Variants in SUPT7L observed in about 807,000 individuals in gnomAD.
The protein encoded by SUPT7L is SPT7 like, STAGA complex subunit gamma.
A neutral mutation model predicts 35.7 loss-of-function variants in SUPT7L; 15 were observed. That is an observed-to-expected ratio of 0.42 (90% CI 0.28 to 0.65). The LOEUF is 0.65. Ranked by LOEUF, SUPT7L falls within the 30% of genes least tolerant of loss-of-function variation. The pLI is 0.23. For missense variants in SUPT7L, 434 were observed against 522.2 expected, an observed-to-expected ratio of 0.83 and a Z score of 1.65; for synonymous variants, 168 against 186.2, an observed-to-expected ratio of 0.90 and a Z score of 0.79.
chr2:27,644,152 G>C, the SUPT7L span, among the ~76,000 whole-genome samples: 1 of 152,186 alleles, frequency 6.6e-6, no homozygotes, highest in Non-Finnish European at 1.5e-5. Context: ...TCCAGCCTGG[G>C]TGACAGAGTG....
Position 27,652,170 on chromosome 2 carries a change from A to T in SUPT7L, c.*1315T>A, listed in dbSNP as rs1007267067. On this transcript the variant is annotated 3_prime_UTR_variant, in exon 6 of 6. Coordinates refer to ENST00000337768, the MANE Select transcript of SUPT7L (RefSeq NM_014860.3). ...CTCAAAAATAAATAAATAAATAAAT[A>T]AATTAAAAAAAAGACTGTGACAGAA... 2 of 91,900 alleles carry T rather than the reference A, an allele frequency of 2.2e-5. No homozygotes were observed. The highest frequency in any genetic ancestry group is 6.5e-5 in the African/African-American group (2 of 30,590). The allele number at this position is 91,900 out of a possible 1,614,324, so 5.7% of individuals were successfully genotyped here. A position where few individuals can be genotyped will look rare whatever the true frequency, so the allele number is the denominator to read the frequency against.
At chr2:27,662,340 G>T in intron 1 of SUPT7L, 59 bp from the exon 2 acceptor site, 3 of 871,646 alleles carry the variant, frequency 3.4e-6, no homozygotes, top group Non-Finnish European at 5.5e-6. Flanking sequence ...GGTAAGTACT[G>T]TTCTAGAGGT....
chr2:27,646,478 CCTG>C (rs1172865612), downstream of SUPT7L, among the ~76,000 whole-genome samples: 3 of 152,108 alleles, frequency 2.0e-5, no homozygotes, highest in African/African-American at 7.2e-5. Context: ...CATCTTTTAT[CCTG>C]CTACTTTACT....
At chr2:27,661,463 A>G in intron 2 of SUPT7L, 75 bp from the exon 3 acceptor site, 1 of 1,581,298 alleles carries the variant, frequency 6.3e-7, no homozygotes, top group Non-Finnish European at 8.5e-7. Context: ...ATGTGTTTAA[A>G]TCCTGGCAAC....
chr2:27,660,420 C>T (rs911346046), intron 3 of SUPT7L, among the ~76,000 whole-genome samples: 7 of 151,980 alleles, frequency 4.6e-5, no homozygotes, highest in African/African-American at 1.2e-4. Context: ...GATGGGGTTT[C>T]GCCATGTTGG....
At chr2:27,647,770 A>C, downstream of SUPT7L, 1 of 890,824 alleles carries the variant, frequency 1.1e-6, no homozygotes, top group Non-Finnish European at 1.9e-6. Context: ...TTATGATCAT[A>C]GTTACTTAGT....
At chr2:27,647,104 C>T (rs1674271541), downstream of SUPT7L, among the ~76,000 whole-genome samples, 1 of 152,186 alleles carries the variant, frequency 6.6e-6, no homozygotes, top group African/African-American at 2.4e-5. Context: ...TCCTGTCATC[C>T]TCCTTTTTCA....
chr2:27,642,833 G>A, the SUPT7L span, among the ~76,000 whole-genome samples: 2 of 151,922 alleles, frequency 1.3e-5, no homozygotes, highest in African/African-American at 2.4e-5. Context: ...CCAAAATGCT[G>A]GGATTACAGG....
downstream of SUPT7L, among the ~76,000 whole-genome samples, chr2:27,649,018 C>T (rs532770237): frequency 6.0e-5 from 9 of 151,116 alleles, no homozygotes; most frequent in East Asian, 1.4e-3. Context: ...CCAAGGTGGG[C>T]GGATCACCTG....
At chr2:27,655,233 T>C in intron 5 of SUPT7L, 132 bp downstream of exon 5, 1 of 707,264 alleles carries the variant, frequency 1.4e-6, no homozygotes. Context: ...GAAACTGTAT[T>C]CGTTTTAGGA....
At chr2:27,660,657 A>G (rs976849363) in intron 3 of SUPT7L, among the ~76,000 whole-genome samples, 1 of 152,214 alleles carries the variant, frequency 6.6e-6, no homozygotes, top group Non-Finnish European at 1.5e-5. Flanking sequence ...AGCTAAACCC[A>G]TAATTTTTTT....
At chr2:27,648,212 A>G (rs900507061), downstream of SUPT7L, among the ~76,000 whole-genome samples, 5 of 152,066 alleles carry the variant, frequency 3.3e-5, no homozygotes, top group African/African-American at 4.8e-5. Context: ...TGTTGTTATT[A>G]GTATTTTGTT....
At chr2:27,654,884 T>A (rs1674720341) in intron 5 of SUPT7L, among the ~76,000 whole-genome samples, 1 of 152,176 alleles carries the variant, frequency 6.6e-6, no homozygotes, top group East Asian at 1.9e-4. Flanking sequence ...TATTTCAATG[T>A]CTTTCATCTT....
chr2:27,659,585 T>G (rs1185132024), intron 3 of SUPT7L, among the ~76,000 whole-genome samples: 1 of 152,198 alleles, frequency 6.6e-6, no homozygotes, highest in Non-Finnish European at 1.5e-5. Context: ...GTAAATATAC[T>G]TACAAAAGAT....
Position 27,653,762 on chromosome 2 carries a change from A to C in SUPT7L, c.983-15T>G. On this transcript the variant is annotated splice_polypyrimidine_tract_variant and intron_variant, in intron 5 of 5. Coordinates refer to ENST00000337768, the MANE Select transcript of SUPT7L (RefSeq NM_014860.3). ...TACCTCTGCACCTAGAAACAGAGGAAAGATGGACATACACCAAGTGTATAT... is the reference window on the plus strand; with the variant it reads ...TACCTCTGCACCTAGAAACAGAGGACAGATGGACATACACCAAGTGTATAT... 1 of 1,614,186 alleles carries C rather than the reference A, an allele frequency of 6.2e-7. No individual in the cohort carries two copies. The highest frequency in any genetic ancestry group is 1.1e-5 in the South Asian group (1 of 91,082).
chr2:27,644,512 T>TA, the SUPT7L span, among the ~76,000 whole-genome samples: 1 of 152,170 alleles, frequency 6.6e-6, no homozygotes, highest in Admixed American at 6.5e-5. Flanking sequence ...GAAGCCTCTA[T>TA]ATATACCTAT....
chr2:27,642,633 G>A, the SUPT7L span: 5 of 655,960 alleles, frequency 7.6e-6, no homozygotes, highest in East Asian at 3.1e-5. Flanking sequence ...CTGGAGTCTC[G>A]GCTCACCACA....
At chr2:27,653,805 A>G in intron 5 of SUPT7L, 58 bp from the exon 6 acceptor site, 1 of 1,600,620 alleles carries the variant, frequency 6.2e-7, no homozygotes, top group Non-Finnish European at 8.5e-7. Context: ...CAAGTGTAGA[A>G]CAAAGAGTAA....
At chr2:27,647,466 T>A (rs552888938), downstream of SUPT7L, among the ~76,000 whole-genome samples, 2 of 152,190 alleles carry the variant, frequency 1.3e-5, no homozygotes, top group African/African-American at 4.8e-5. Context: ...CTCCACACTT[T>A]CACTGTGACT....
Sources: allele counts gnomAD v4.1 joint callset (sites outside exome capture counted in the v4.1 genomes callset), GRCh38; gene constraint gnomAD v4.1.1; transcripts MANE v1.5; gene names NCBI Gene and HGNC (gene_info 2026-07-23, HGNC 2026-07-21).